The following TYR variants were observed in gnomAD, a reference collection of about 807,000 sequenced individuals.
TYR encodes the protein LB24-AB.
In TYR, 58 loss-of-function variants were observed where a neutral mutation model predicts 51.5. The observed-to-expected ratio is 1.13, with a 90% confidence interval of 0.91 to 1.40. TYR has a LOEUF of 1.40. TYR is among the 40% of genes most tolerant of loss of function. The pLI is 0.00. For missense variants in TYR, 732 were observed against 647.4 expected, an observed-to-expected ratio of 1.13 and a Z score of -1.42; for synonymous variants, 263 against 235.2, an observed-to-expected ratio of 1.12 and a Z score of -1.08.
chr11:89,185,656 G>A (rs1341062762), intron 1 of TYR, among the ~76,000 whole-genome samples: 4 of 152,192 alleles, frequency 2.6e-5, no homozygotes, highest in Non-Finnish European at 4.4e-5. Flanking sequence ...AGCCTCCCAC[G>A]GAAGCATGCA....
At chr11:89,293,336 TACACAC>T (rs59899373) in intron 4 of TYR, among the ~76,000 whole-genome samples, 42,847 of 147,550 alleles carry the variant, frequency 0.29, 6,251 homozygotes, top group African/African-American at 0.32. Flanking sequence ...ATTTTATGCA[TACACAC>T]ACACACACAC....
chr11:89,261,029 A>C (rs558020113), intron 3 of TYR, among the ~76,000 whole-genome samples: 1 of 152,228 alleles, frequency 6.6e-6, no homozygotes, highest in South Asian at 2.1e-4. Flanking sequence ...GTTTCATCCC[A>C]AAACCATCCC....
chr11:89,198,754 C>CATACAT (rs1555086355), intron 2 of TYR, among the ~76,000 whole-genome samples: 1 of 146,362 alleles, frequency 6.8e-6, no homozygotes, highest in African/African-American at 2.6e-5. Context: ...ACTTTTTTCT[C>CATACAT]ATATATATAT....
chr11:89,184,529 G>T (rs1406823523), intron 1 of TYR, among the ~76,000 whole-genome samples: 3 of 152,046 alleles, frequency 2.0e-5, no homozygotes, highest in Non-Finnish European at 2.9e-5. Flanking sequence ...CAGTGCTTTG[G>T]TTTTGACTCT....
At chr11:89,262,846 C>CTAAAAAAAAAAAA (rs1186728580) in intron 3 of TYR, among the ~76,000 whole-genome samples, 1 of 34,216 alleles carries the variant, frequency 2.9e-5, no homozygotes, top group Non-Finnish European at 4.5e-5. Flanking sequence ...AGCTACTCAT[C>CTAAAAAAAAAAAA]CAAAAAAAAA....
chr11:89,202,622 T>TACACACACACACAAACACACAC lies in TYR; in HGVS notation c.1036+11217_1036+11218insAACACACACACACACACACACA, dbSNP rs58419100. 3.2e-3 allele frequency among the ~76,000 whole-genome samples: 459 copies of TACACACACACACAAACACACAC among 141,360 alleles called. 3 individuals are homozygous for TACACACACACACAAACACACAC. The highest frequency in any genetic ancestry group is 4.2e-3 in the Non-Finnish European group (282 of 66,382). 92.7% of individuals were successfully genotyped at this position (141,360 alleles called of 152,430 possible). The stretch of plus-strand genomic sequence containing the variant: ...CCAAAACTAGAATATATTTTCATAA[T>TACACACACACACAAACACACAC]ACACACACACACACACACACACACA... On this transcript the variant is annotated intron_variant, in intron 2 of 4. Coordinates refer to ENST00000263321, the MANE Select transcript of TYR (RefSeq NM_000372.5).
At chr11:89,278,436 T>G (rs1320811833) in intron 3 of TYR, among the ~76,000 whole-genome samples, 1 of 151,744 alleles carries the variant, frequency 6.6e-6, no homozygotes, top group Non-Finnish European at 1.5e-5. Context: ...ATTCATTCAT[T>G]TTTTAAATAT....
At chr11:89,198,530 A>G (rs1943554614) in intron 2 of TYR, among the ~76,000 whole-genome samples, 1 of 152,106 alleles carries the variant, frequency 6.6e-6, no homozygotes, top group Non-Finnish European at 1.5e-5. Flanking sequence ...TATTCTGATC[A>G]GGCAATAATC....
Position 89,203,245 on chromosome 11 carries a change from A to G in TYR, c.1036+11827A>G, listed in dbSNP as rs929826269. Among the ~76,000 whole-genome samples, 3 of 152,186 alleles carry G rather than the reference A, an allele frequency of 2.0e-5. No homozygotes were observed. The South Asian group carries it at 6.2e-4, about 32-fold the overall frequency. ...CCTGATAGTCACATGGTTGATAACAACCATAGTTAAGTCTACTATTCCAAA... is the reference window on the plus strand; with the variant it reads ...CCTGATAGTCACATGGTTGATAACAGCCATAGTTAAGTCTACTATTCCAAA... On this transcript the variant is annotated intron_variant, in intron 2 of 4. Transcript: ENST00000263321.
intron 1 of TYR, among the ~76,000 whole-genome samples, chr11:89,188,044 A>C (rs950189326): frequency 6.6e-6 from 1 of 150,626 alleles, no homozygotes; most frequent in African/African-American, 2.4e-5. Context: ...ATTATATATA[A>C]TATTTTATTT....
At chr11:89,245,920 C>CAA (rs58642362) in intron 3 of TYR, among the ~76,000 whole-genome samples, 1 of 143,170 alleles carries the variant, frequency 7.0e-6, no homozygotes, top group Admixed American at 7.0e-5. Context: ...GACTCCATCT[C>CAA]AAAAAAAAAA....
intron 3 of TYR, among the ~76,000 whole-genome samples, chr11:89,269,357 G>A (rs1944562693): frequency 6.6e-6 from 1 of 151,858 alleles, no homozygotes; most frequent in Non-Finnish European, 1.5e-5. Flanking sequence ...AGTGTGGCCT[G>A]GCTCATTTTA....
At chr11:89,201,721 A>T (rs969054866) in intron 2 of TYR, among the ~76,000 whole-genome samples, 1 of 152,242 alleles carries the variant, frequency 6.6e-6, no homozygotes, top group African/African-American at 2.4e-5. Flanking sequence ...GCAAAATCAC[A>T]TCATAGTATC....
chr11:89,206,125 A>C (rs1591153507), intron 2 of TYR, among the ~76,000 whole-genome samples: 1 of 152,104 alleles, frequency 6.6e-6, no homozygotes, highest in Non-Finnish European at 1.5e-5. Flanking sequence ...GAAAAGTAAC[A>C]AACAGGAAAA....
At chr11:89,196,758 C>T (rs1213741555) in intron 2 of TYR, among the ~76,000 whole-genome samples, 3 of 152,274 alleles carry the variant, frequency 2.0e-5, no homozygotes, top group East Asian at 3.9e-4. Context: ...TGCTAAGATG[C>T]CCATTGGGAT....
chr11:89,249,725 G>A (rs115684896), intron 3 of TYR, among the ~76,000 whole-genome samples: 1,770 of 152,132 alleles, frequency 0.012, 34 homozygotes, highest in African/African-American at 0.041. Context: ...AACAAGAAAG[G>A]AGGATTTGAG....
chr11:89,273,556 A>G (rs1308049275), intron 3 of TYR, among the ~76,000 whole-genome samples: 2 of 151,924 alleles, frequency 1.3e-5, no homozygotes, highest in Non-Finnish European at 2.9e-5. Flanking sequence ...AAATATTGTG[A>G]GAATTATCAG....
chr11:89,244,376 GCTTCTGAAATGCC>G (rs898459252), intron 3 of TYR, among the ~76,000 whole-genome samples: 2 of 151,938 alleles, frequency 1.3e-5, no homozygotes, highest in Non-Finnish European at 2.9e-5. Flanking sequence ...TCCAGCTCCA[GCTTCTGAAATGCC>G]CTCTCAGCTT....
chr11:89,285,138 G>A (rs1257656849), intron 4 of TYR, among the ~76,000 whole-genome samples, 184 bp downstream of exon 4: 4 of 151,698 alleles, frequency 2.6e-5, no homozygotes, highest in African/African-American at 7.3e-5. Context: ...GATCTTTAAA[G>A]TCATGGTCAT....
Sources: gnomAD v4.1 joint callset for allele counts (sites outside exome capture counted in the v4.1 genomes callset) on GRCh38, gnomAD v4.1.1 for gene constraint, MANE v1.5 for transcripts, NCBI Gene and HGNC (gene_info 2026-07-23, HGNC 2026-07-21) for gene names.